CLRN1: variants seen among roughly 807,000 people sequenced by gnomAD.
CLRN1 encodes the protein clarin-1.
In CLRN1, 15 loss-of-function variants were observed where a neutral mutation model predicts 18.7. The observed-to-expected ratio is 0.80, with a 90% CI of 0.54 to 1.23. The LOEUF is 1.23. Among genes scored for constraint, CLRN1 ranks in the 50% most tolerant of loss-of-function variants. CLRN1 has a pLI of 0.00. For synonymous variants in CLRN1, 104 were observed against 102.9 expected (o/e 1.01, Z -0.07); for missense variants, 311 against 277.5 (o/e 1.12, Z -0.86).
In CLRN1 at chr3:150,927,023, G is replaced by A. The variant is rs1712829101; in HGVS notation, c.*913C>T. On this transcript the variant is annotated 3_prime_UTR_variant, in exon 3 of 3. Transcript: ENST00000327047. ...TTCATAATTGCATATTAGTACTCGA[G>A]ACACTATAGCTAGAAAAACAGCCCC... 2.1e-6 allele frequency: 3 copies of A among 1,405,106 alleles called. No homozygotes were observed. The highest frequency in any genetic ancestry group is 2.5e-5 in the South Asian group (2 of 80,770). The allele number at this position is 1,405,106 out of a possible 1,614,324, so 87.0% of individuals were successfully genotyped here. A position where few individuals can be genotyped will look rare whatever the true frequency, so the allele number is the denominator to read the frequency against.
chr3:150,928,107 A>G lies in CLRN1; in HGVS notation c.528T>C (p.Tyr176=), dbSNP rs121908140. ...ATTTTTCACTTTGCGTTTTGTAGACATAAGTCCCTTCTTTATAATTTGCAA... is the reference window on the plus strand; with the variant it reads ...ATTTTTCACTTTGCGTTTTGTAGACGTAAGTCCCTTCTTTATAATTTGCAA... ...EKIANYKEGT[Y]VYKTQSEKYT... is the part of the protein sequence containing the mutation. The change falls in exon 3 of 3, where the codon TAT becomes TAC. Residue 176 remains tyrosine, a synonymous_variant. Transcript: ENST00000327047. The G allele has an allele frequency of 3.7e-6, 6 of 1,613,604 alleles. No homozygotes were observed. The highest frequency in any genetic ancestry group is 2.2e-5 in the South Asian group (2 of 90,974).
intron 1 of CLRN1, among the ~76,000 whole-genome samples, chr3:150,961,337 C>A (rs1222995241): frequency 1.3e-5 from 2 of 152,170 alleles, no homozygotes; most frequent in African/African-American, 4.8e-5. Context: ...GGTCCCACCC[C>A]CAGAGATCCT....
rs1712846119 is a variant in CLRN1 at position 150,927,176 on chromosome 3, A to C, written c.*760T>G. On this transcript the variant is annotated 3_prime_UTR_variant, in exon 3 of 3. Coordinates refer to ENST00000327047, the MANE Select transcript of CLRN1 (RefSeq NM_174878.3). ...ATTGGGACTCAGGCACGGGAGGAAA[A>C]ATACCCTAAGCTTGGTTTTTTCTTC... 2 of 605,670 alleles carry C rather than the reference A, an allele frequency of 3.3e-6. No homozygotes were observed. The highest frequency in any genetic ancestry group is 6.1e-6 in the Non-Finnish European group (2 of 327,250). 37.5% of individuals were successfully genotyped at this position (605,670 alleles called of 1,614,324 possible).
chr3:150,928,592 GA>G (rs1463893877), intron 2 of CLRN1, among the ~76,000 whole-genome samples: 2 of 152,222 alleles, frequency 1.3e-5, no homozygotes, highest in Non-Finnish European at 2.9e-5. Flanking sequence ...GTGGCTTCAA[GA>G]GAAAATATTT....
At position 150,941,679 on chromosome 3, in the gene CLRN1, G is replaced by A. The variant is rs565400473; in HGVS notation, c.336C>T (p.Thr112=). The A allele has an allele frequency of 6.2e-7, 1 of 1,614,010 alleles. No homozygotes were observed. The highest frequency in any genetic ancestry group is 2.2e-5 in the East Asian group (1 of 44,860). ...ACATGAAGAAGGCTGTCCCCACCAT[G>A]GTTAACACAATAAGGATGGCAGAGA... ...ILFSAILIVL[T]MVGTAFFMYN... is the part of the protein sequence containing the mutation. Residue 112 remains threonine (T), a synonymous_variant, in exon 2 of 3, where the codon ACC becomes ACT. Transcript: ENST00000327047.
chr3:150,926,898 C>T lies in CLRN1; in HGVS notation c.*1038G>A, dbSNP rs201534956. The stretch of plus-strand genomic sequence containing the variant: ...CTGCAGATCAATTTGATGGGTAATT[C>T]AGGGGAAAAAAAAAGTTGACCTGGG... On this transcript the variant is annotated 3_prime_UTR_variant, in exon 3 of 3. Transcript: ENST00000327047. 6.0e-4 allele frequency: 963 copies of T among 1,613,774 alleles called. 9 individuals carry two copies. The South Asian group carries it at 6.5e-3, about 11-fold the overall frequency.
Position 150,945,493 on chromosome 3 carries a change from C to T in CLRN1, c.254-3732G>A, listed in dbSNP as rs1183455398. 31 of 1,284,306 alleles carry T rather than the reference C, an allele frequency of 2.4e-5. No individual in the cohort carries two copies. In the East Asian group the frequency reaches 2.8e-4, roughly 12 times the overall value. 79.6% of individuals were successfully genotyped at this position (1,284,306 alleles called of 1,614,324 possible). A position where few individuals can be genotyped will look rare whatever the true frequency, so the allele number is the denominator to read the frequency against. On this transcript the variant is annotated intron_variant, in intron 1 of 2. Coordinates refer to ENST00000327047, the MANE Select transcript of CLRN1 (RefSeq NM_174878.3). ...TGGGTCAGAACAAGCCCTTTGCCAC[C>T]GCTGGATGTAATTAACTAACTACAT... is the stretch of plus-strand genomic sequence containing the variant.
chr3:150,972,164 A>C (rs1303692249), intron 1 of CLRN1, among the ~76,000 whole-genome samples: 1 of 152,198 alleles, frequency 6.6e-6, no homozygotes, highest in African/African-American at 2.4e-5. Flanking sequence ...TTTTTTAAAA[A>C]GACTCCATAA....
intron 1 of CLRN1, chr3:150,945,466 A>C (rs1714113090): frequency 7.9e-7 from 1 of 1,265,568 alleles, no homozygotes; most frequent in African/African-American, 1.5e-5. Flanking sequence ...AGAAAGTTTC[A>C]TTGGGTCAGA....
chr3:150,969,732 T>C (rs539362208), intron 1 of CLRN1, among the ~76,000 whole-genome samples: 1 of 152,250 alleles, frequency 6.6e-6, no homozygotes, highest in East Asian at 1.9e-4. Flanking sequence ...TTCCTATTAA[T>C]TGATAATAAC....
chr3:150,947,314 G>T (rs949008537), intron 1 of CLRN1, among the ~76,000 whole-genome samples: 2 of 152,004 alleles, frequency 1.3e-5, no homozygotes, highest in African/African-American at 2.4e-5. Context: ...ACAAAGAAGG[G>T]CGTTACATAA....
intron 2 of CLRN1, among the ~76,000 whole-genome samples, chr3:150,932,585 A>T (rs998587448): frequency 2.6e-5 from 4 of 152,250 alleles, no homozygotes; most frequent in Non-Finnish European, 5.9e-5. Flanking sequence ...ATATAGAATG[A>T]TAAATTGATA....
In CLRN1 at chr3:150,972,560, G is replaced by GGACA. The variant is rs762606406; in HGVS notation, c.148_149insTGTC (p.Ser50LeufsTer12). ...CATAAACTTGTCCAGCTCCTGCCCT[G>GGACA]AGGCATTGACGAGCAGAGCTCCCGT... On this transcript the variant is annotated frameshift_variant, in exon 1 of 3. Transcript: ENST00000327047. LOFTEE classifies it high-confidence loss of function. The GGACA allele has an allele frequency of 1.2e-4, 199 of 1,614,130 alleles. 1 individual carries two copies. Among genetic ancestry groups the GGACA allele is most frequent in the Non-Finnish European group, 1.6e-4 (194 of 1,180,052 alleles).
Position 150,927,530 on chromosome 3 carries a change from T to C in CLRN1, c.*406A>G, listed in dbSNP as rs745389078. 1 of 455,868 alleles carries C rather than the reference T, an allele frequency of 2.2e-6. No homozygotes were observed. The highest frequency in any genetic ancestry group is 1.6e-5 in the South Asian group (1 of 64,218). The allele number at this position is 455,868 out of a possible 1,614,324, so 28.2% of individuals were successfully genotyped here. ...GGAAAGCGATTGCAGCTCAGTTTTCTGAAATCTGGCAACAAATGTGTGGAT... is the reference window on the plus strand; with the variant it reads ...GGAAAGCGATTGCAGCTCAGTTTTCCGAAATCTGGCAACAAATGTGTGGAT... On this transcript the variant is annotated 3_prime_UTR_variant, in exon 3 of 3. Coordinates refer to ENST00000327047, the MANE Select transcript of CLRN1 (RefSeq NM_174878.3).
At position 150,927,327 on chromosome 3, in the gene CLRN1, T is replaced by A; in HGVS notation, c.*609A>T. On this transcript the variant is annotated 3_prime_UTR_variant, in exon 3 of 3. Coordinates refer to ENST00000327047, the MANE Select transcript of CLRN1 (RefSeq NM_174878.3). ...TTGTTAGTGACAGGGTCTCACTTTATTGCCCAGGCTGTAACTCGAACTCCT... is the reference window on the plus strand; with the variant it reads ...TTGTTAGTGACAGGGTCTCACTTTAATGCCCAGGCTGTAACTCGAACTCCT... 1 of 399,834 alleles carries A rather than the reference T, an allele frequency of 2.5e-6. No individual in the cohort carries two copies. Among genetic ancestry groups the A allele is most frequent in the South Asian group, 1.9e-5 (1 of 51,448 alleles). The allele number at this position is 399,834 out of a possible 1,614,324, so 24.8% of individuals were successfully genotyped here.
chr3:150,929,237 C>T (rs746384261), intron 2 of CLRN1, among the ~76,000 whole-genome samples: 8 of 152,160 alleles, frequency 5.3e-5, no homozygotes, highest in Non-Finnish European at 8.8e-5. Context: ...GGGACAGGGG[C>T]ACTCCATACT....
chr3:150,934,655 C>G (rs1402009322), intron 2 of CLRN1, among the ~76,000 whole-genome samples: 1 of 152,056 alleles, frequency 6.6e-6, no homozygotes, highest in Non-Finnish European at 1.5e-5. Flanking sequence ...CTAGGTAAGA[C>G]CCTCTCCCAT....
chr3:150,930,651 A>G (rs1713088650), intron 2 of CLRN1, among the ~76,000 whole-genome samples: 1 of 152,098 alleles, frequency 6.6e-6, no homozygotes, highest in Non-Finnish European at 1.5e-5. Context: ...TTTTCTCTTT[A>G]TCTTTTATTC....
At chr3:150,941,162 A>ATCTATCTATCTC (rs1713808291) in intron 2 of CLRN1, among the ~76,000 whole-genome samples, 1 of 115,458 alleles carries the variant, frequency 8.7e-6, no homozygotes, top group Admixed American at 1.1e-4. Context: ...CTATCTATCT[A>ATCTATCTATCTC]TCTATCTATC....
Sources: allele counts gnomAD v4.1 joint callset (sites outside exome capture counted in the v4.1 genomes callset), GRCh38; gene constraint gnomAD v4.1.1; transcripts MANE v1.5; gene names NCBI Gene and HGNC (gene_info 2026-07-23, HGNC 2026-07-21).